Variants in DHRS3 observed in about 807,000 individuals in gnomAD.
The protein encoded by DHRS3 is short-chain dehydrogenase/reductase 3.
DHRS3 carries 14 observed loss-of-function variants against 27.2 expected under a neutral mutation model. That is an observed-to-expected ratio of 0.52 (90% CI 0.34 to 0.81). DHRS3 has a LOEUF of 0.81. Among genes scored for constraint, DHRS3 ranks in the 30% least tolerant of loss-of-function variants. DHRS3 has a pLI of 0.01. For missense variants in DHRS3, 322 were observed against 406.2 expected (o/e 0.79, Z 1.78); for synonymous variants, 165 against 175.9 (o/e 0.94, Z 0.49).
intron 2 of DHRS3, 94 bp downstream of exon 2, chr1:12,580,429 A>C: frequency 1.3e-6 from 2 of 1,577,170 alleles, no homozygotes; most frequent in Non-Finnish European, 8.7e-7. Flanking sequence ...TGCCATAAGC[A>C]GAGCTCTCTT....
At chr1:12,585,278 T>TCTGA (rs1491185479) in intron 1 of DHRS3, among the ~76,000 whole-genome samples, 87 of 152,028 alleles carry the variant, frequency 5.7e-4, no homozygotes, top group African/African-American at 2.0e-3. Context: ...TCTCTGTGTC[T>TCTGA]GTGTGTGTCT....
At chr1:12,580,910 A>G (rs1570364794) in intron 1 of DHRS3, among the ~76,000 whole-genome samples, 1 of 151,794 alleles carries the variant, frequency 6.6e-6, no homozygotes, top group Non-Finnish European at 1.5e-5. Context: ...GCAGCCTCAA[A>G]CTCCTGGGCT....
chr1:12,579,322 G>C lies in DHRS3; in HGVS notation c.430C>G (p.Gln144Glu). Residue 144 changes from glutamine (Q) to glutamate (E), a missense_variant, in exon 3 of 6, where the codon CAA becomes GAA. By Grantham distance (29) the Gln-to-Glu change is conservative (BLOSUM62 2). Transcript: ENST00000616661. ...AACTGGCCCAGGGTGTTGATGTGTT[G>C]GGACTTGAGGAGGGCATCATCATCA... is the stretch of plus-strand genomic sequence containing the variant. ...DSDDDALLKS[Q>E]HINTLGQFWT... 1 of 1,614,142 alleles carries C rather than the reference G, an allele frequency of 6.2e-7. No individual in the cohort carries two copies.
At chr1:12,605,748 C>A (rs1646866242) in intron 1 of DHRS3, among the ~76,000 whole-genome samples, 1 of 152,042 alleles carries the variant, frequency 6.6e-6, no homozygotes, top group South Asian at 2.1e-4. Context: ...AAAACTGAAG[C>A]AAGAACAAAC....
intron 4 of DHRS3, among the ~76,000 whole-genome samples, chr1:12,576,281 G>T (rs1381948813): frequency 6.6e-6 from 1 of 151,810 alleles, no homozygotes; most frequent in East Asian, 2.0e-4. Flanking sequence ...GCAGACTGCC[G>T]GCTGGGCGTG....
In DHRS3 at chr1:12,583,968, C is replaced by G. The variant is rs1215876664; in HGVS notation, c.196-3302G>C. Reference sequence around the variant, plus strand: ...CCACCCACCCATCAGCCCCACTGCACCCATCCATCCATCTGGTTTCTGAGT... The same window carrying G: ...CCACCCACCCATCAGCCCCACTGCAGCCATCCATCCATCTGGTTTCTGAGT... On this transcript the variant is annotated intron_variant, in intron 1 of 5. Transcript: ENST00000616661. 7.5e-5 allele frequency among the ~76,000 whole-genome samples: 11 copies of G among 146,580 alleles called. No homozygotes were observed. The Admixed American group carries it at 7.6e-4, about 10-fold the overall frequency.
At chr1:12,606,987 G>A (rs1210044356) in intron 1 of DHRS3, among the ~76,000 whole-genome samples, 1 of 152,160 alleles carries the variant, frequency 6.6e-6, no homozygotes, top group Non-Finnish European at 1.5e-5. Flanking sequence ...CATGGCAATA[G>A]TTTTTTTGGG....
At chr1:12,569,279 A>AT (rs567521523) in intron 5 of DHRS3, among the ~76,000 whole-genome samples, 395 of 143,918 alleles carry the variant, frequency 2.7e-3, no homozygotes, top group African/African-American at 9.8e-3. Flanking sequence ...TAAAATATAT[A>AT]TTTTAAAAAG....
At chr1:12,590,481 T>C (rs1010311791) in intron 1 of DHRS3, among the ~76,000 whole-genome samples, 4 of 152,114 alleles carry the variant, frequency 2.6e-5, no homozygotes, top group Non-Finnish European at 4.4e-5. Context: ...CGGCTAATTT[T>C]GTAATTTTAG....
intron 4 of DHRS3, among the ~76,000 whole-genome samples, chr1:12,577,029 C>T (rs981779665): frequency 3.3e-5 from 5 of 151,846 alleles, no homozygotes; most frequent in Middle Eastern, 3.4e-3. Context: ...GTAACTAAGG[C>T]GTAATGAGTG....
Position 12,593,371 on chromosome 1 carries a change from A to G in DHRS3, c.196-12705T>C, listed in dbSNP as rs570567322. Among the ~76,000 whole-genome samples, 48 of 151,868 alleles carry G rather than the reference A, an allele frequency of 3.2e-4. No homozygotes were observed. The highest frequency in any genetic ancestry group is 1.1e-3 in the African/African-American group (47 of 41,390). On this transcript the variant is annotated intron_variant, in intron 1 of 5. Coordinates refer to ENST00000616661, the MANE Select transcript of DHRS3 (RefSeq NM_004753.7). The surrounding 1 kb of genome is among the most constrained non-coding windows in gnomAD (Gnocchi z 4.6). ...CTTTTCTTTTTAAAAAATTATTATG[A>G]TTATTATTATTTGTAGAGACGGGGG...
rs1646759465 is a variant in DHRS3, at chr1:12,593,013, C to CG, written c.196-12348_196-12347insC. On this transcript the variant is annotated intron_variant, in intron 1 of 5. Coordinates refer to ENST00000616661, the MANE Select transcript of DHRS3 (RefSeq NM_004753.7). The surrounding 1 kb of genome is among the most constrained non-coding windows in gnomAD (Gnocchi z 4.6). Reference sequence around the variant, plus strand: ...GCCCTTCACCTGGAGCACAAGTGGACCCCTCACCTGGTCCCAAAAGGTCAC... The same window carrying CG: ...GCCCTTCACCTGGAGCACAAGTGGACGCCCTCACCTGGTCCCAAAAGGTCAC... 6.6e-6 allele frequency among the ~76,000 whole-genome samples: 1 copy of CG among 152,174 alleles called. No homozygotes were observed. The highest frequency in any genetic ancestry group is 1.5e-5 in the Non-Finnish European group (1 of 68,028).
chr1:12,605,034 C>T (rs996706617), intron 1 of DHRS3, among the ~76,000 whole-genome samples: 1 of 141,534 alleles, frequency 7.1e-6, no homozygotes, highest in East Asian at 2.1e-4. Flanking sequence ...GAACCGAGAT[C>T]GTGCCACTGC....
intron 1 of DHRS3, among the ~76,000 whole-genome samples, chr1:12,590,273 A>G (rs1646734493): frequency 6.6e-6 from 1 of 152,136 alleles, no homozygotes; most frequent in Admixed American, 6.5e-5. Context: ...CTCCTGCCCC[A>G]GTCACCCAGA....
intron 1 of DHRS3, chr1:12,616,435 TG>T: frequency 3.9e-6 from 2 of 518,868 alleles, no homozygotes; most frequent in Non-Finnish European, 4.9e-6. Flanking sequence ...CCGTGTTTGG[TG>T]GGCAGGACCC....
At chr1:12,584,554 T>TTGAA (rs912703706) in intron 1 of DHRS3, among the ~76,000 whole-genome samples, 25 of 150,608 alleles carry the variant, frequency 1.7e-4, no homozygotes, top group Admixed American at 2.6e-4. Flanking sequence ...ATTCTGTTTG[T>TTGAA]TGAATGAATG....
intron 1 of DHRS3, among the ~76,000 whole-genome samples, chr1:12,606,565 C>T (rs939448003): frequency 5.9e-5 from 9 of 152,052 alleles, no homozygotes; most frequent in Non-Finnish European, 1.2e-4. Flanking sequence ...TCTTGGCTCA[C>T]GGCAACCTCC....
At chr1:12,579,066 G>A (rs982762774) in intron 3 of DHRS3, 110 bp from the exon 4 acceptor site, 9 of 1,256,760 alleles carry the variant, frequency 7.2e-6, no homozygotes, top group South Asian at 2.8e-5. Context: ...TCTAGGGCCC[G>A]AGCCTTCCTG....
rs562760937 is a variant in DHRS3, at chr1:12,608,289, A to G, written c.195+8865T>C. 6.6e-6 allele frequency among the ~76,000 whole-genome samples: 1 copy of G among 152,310 alleles called. No individual in the cohort carries two copies. The highest frequency in any genetic ancestry group is 2.1e-4 in the South Asian group (1 of 4,822). On this transcript the variant is annotated intron_variant, in intron 1 of 5. Coordinates refer to ENST00000616661, the MANE Select transcript of DHRS3 (RefSeq NM_004753.7). This position sits in a 1 kb window ranked among gnomAD's most constrained non-coding sequence, Gnocchi z 4.1. ...ATCGTGTATGGTACCACAGACATGT[A>G]GAGTACCACGGTCATGAATATTACT...
Sources: gnomAD v4.1 joint callset for allele counts (sites outside exome capture counted in the v4.1 genomes callset) on GRCh38, gnomAD v4.1.1 for gene constraint, Gnocchi (gnomAD v3.1) non-coding constraint, MANE v1.5 for transcripts, NCBI Gene and HGNC (gene_info 2026-07-23, HGNC 2026-07-21) for gene names.